The following CNTNAP5 variants were observed in gnomAD, a reference collection of about 807,000 sequenced individuals.
The protein encoded by CNTNAP5 is contactin-associated protein-like 5.
In CNTNAP5, 72 loss-of-function variants were observed where a neutral mutation model predicts 150.2. That is an observed-to-expected ratio of 0.48 (90% CI 0.40 to 0.58). The LOEUF (loss-of-function observed/expected upper bound fraction) is 0.58, where lower values mean the gene tolerates loss of function less well. Ranked by LOEUF, CNTNAP5 falls within the 20% of genes least tolerant of loss-of-function variation. The pLI is 0.00. For missense variants in CNTNAP5, 1,636 were observed against 1,626.2 expected, an observed-to-expected ratio of 1.01 and a Z score of -0.10; for synonymous variants, 672 against 619.8, an observed-to-expected ratio of 1.08 and a Z score of -1.25.
At chr2:124,561,096 CTGTT>C (rs1013183234) in intron 10 of CNTNAP5, among the ~76,000 whole-genome samples, 16 of 151,780 alleles carry the variant, frequency 1.1e-4, no homozygotes, top group Non-Finnish European at 1.6e-4. Context: ...ATGGAAATCT[CTGTT>C]TGTGTTTACG....
chr2:124,806,222 A>T (rs1251398291), intron 19 of CNTNAP5, among the ~76,000 whole-genome samples: 1 of 152,100 alleles, frequency 6.6e-6, no homozygotes, highest in Non-Finnish European at 1.5e-5. Context: ...CTTGGATTTA[A>T]TTAATGTATT....
intron 13 of CNTNAP5, among the ~76,000 whole-genome samples, chr2:124,746,005 G>A (rs918722025): frequency 1.3e-5 from 2 of 152,196 alleles, no homozygotes; most frequent in Non-Finnish European, 2.9e-5. Context: ...ATAAGAATAT[G>A]CATGTAAACT....
At chr2:124,089,406 C>A (rs1175220847) in intron 1 of CNTNAP5, among the ~76,000 whole-genome samples, 1 of 151,868 alleles carries the variant, frequency 6.6e-6, no homozygotes, top group South Asian at 2.1e-4. Context: ...AATGAGGTAC[C>A]CAGGTCACAG....
Position 124,915,460 on chromosome 2 carries a change from C to A in CNTNAP5, c.*1172C>A, listed in dbSNP as rs778302011. On this transcript the variant is annotated 3_prime_UTR_variant, in exon 24 of 24. Transcript: ENST00000682447. The stretch of plus-strand genomic sequence containing the variant: ...GGTGAAGATAGTTAATTCAAATTTG[C>A]AAGTTTCACATTTTTTAACATCAAG... Among the ~76,000 whole-genome samples, 2 of 151,944 alleles carry A rather than the reference C, an allele frequency of 1.3e-5. No individual in the cohort carries two copies. The highest frequency in any genetic ancestry group is 2.9e-5 in the Non-Finnish European group (2 of 67,954).
intron 10 of CNTNAP5, among the ~76,000 whole-genome samples, chr2:124,560,696 C>T (rs1377867704): frequency 6.6e-6 from 1 of 152,046 alleles, no homozygotes; most frequent in African/African-American, 2.4e-5. Flanking sequence ...TACTTCACAG[C>T]ATCTAATATA....
At chr2:124,815,764 G>A (rs1246958276) in intron 19 of CNTNAP5, among the ~76,000 whole-genome samples, 1 of 151,566 alleles carries the variant, frequency 6.6e-6, no homozygotes, top group African/African-American at 2.4e-5. Context: ...CCCAGGAAAT[G>A]GGATTTAGGT....
intron 1 of CNTNAP5, among the ~76,000 whole-genome samples, chr2:124,202,648 GC>G (rs1221454025): frequency 6.6e-6 from 1 of 152,208 alleles, no homozygotes; most frequent in Non-Finnish European, 1.5e-5. Flanking sequence ...TGGCTGGGAA[GC>G]CATCACGATC....
At chr2:124,571,146 G>A (rs1158360294) in intron 11 of CNTNAP5, among the ~76,000 whole-genome samples, 1 of 152,200 alleles carries the variant, frequency 6.6e-6, no homozygotes, top group Non-Finnish European at 1.5e-5. Flanking sequence ...TGTAGAAAGA[G>A]GAGGAGATTT....
At chr2:124,212,124 C>T (rs547547571) in intron 1 of CNTNAP5, among the ~76,000 whole-genome samples, 2 of 152,164 alleles carry the variant, frequency 1.3e-5, no homozygotes, top group Non-Finnish European at 2.9e-5. Context: ...ATATTCAATG[C>T]ATAATCATCT....
intron 1 of CNTNAP5, among the ~76,000 whole-genome samples, chr2:124,115,104 T>C (rs12467198): frequency 0.3 from 45,128 of 151,830 alleles, 7,284 homozygotes; most frequent in Admixed American, 0.38. Context: ...AATCAAGGAT[T>C]CTACATATCT....
chr2:124,519,858 ACT>A (rs1288339135), intron 8 of CNTNAP5, among the ~76,000 whole-genome samples: 7 of 152,104 alleles, frequency 4.6e-5, no homozygotes, highest in Non-Finnish European at 8.8e-5. Context: ...AGCCTATTTA[ACT>A]CTCTCTCTGT....
At chr2:124,307,525 A>G (rs1031100702) in intron 3 of CNTNAP5, among the ~76,000 whole-genome samples, 1 of 152,154 alleles carries the variant, frequency 6.6e-6, no homozygotes, top group Admixed American at 6.5e-5. Flanking sequence ...TTTTGTTACC[A>G]AACTGGAGCA....
At chr2:124,910,013 A>G (rs2104767437) in intron 22 of CNTNAP5, among the ~76,000 whole-genome samples, 1 of 151,522 alleles carries the variant, frequency 6.6e-6, no homozygotes, top group South Asian at 2.1e-4. Context: ...ACCTTCTTTA[A>G]TTACAATACC....
chr2:124,145,938 C>A (rs1042417245), intron 1 of CNTNAP5, among the ~76,000 whole-genome samples: 1 of 151,158 alleles, frequency 6.6e-6, no homozygotes, highest in African/African-American at 2.4e-5. Context: ...TGATACACAG[C>A]TAATGAAAAT....
At chr2:124,635,608 G>T (rs1482959431) in intron 12 of CNTNAP5, among the ~76,000 whole-genome samples, 2 of 152,178 alleles carry the variant, frequency 1.3e-5, no homozygotes, top group Non-Finnish European at 2.9e-5. Context: ...TTCCTGTTTG[G>T]AAGTGGAAAA....
chr2:124,523,460 A>C (rs1694895653), intron 8 of CNTNAP5, among the ~76,000 whole-genome samples: 1 of 152,196 alleles, frequency 6.6e-6, no homozygotes. Context: ...TTAATAGATG[A>C]TAAACTCTTT....
rs189359644 is a variant in CNTNAP5, at chr2:124,039,700, G to T, written c.82+13968G>T. Among the ~76,000 whole-genome samples, 9 of 152,100 alleles carry T rather than the reference G, an allele frequency of 5.9e-5. No homozygotes were observed. The East Asian group carries it at 1.5e-3, about 26-fold the overall frequency. ...ATTCATCACAAAATCCTTTTATTTA[G>T]GTCTACACTGCGCTCTCTCCTCCCC... is the stretch of plus-strand genomic sequence containing the variant. On this transcript the variant is annotated intron_variant, in intron 1 of 23. Transcript: ENST00000682447.
chr2:124,213,548 C>A (rs993451735), intron 1 of CNTNAP5, among the ~76,000 whole-genome samples: 1 of 152,162 alleles, frequency 6.6e-6, no homozygotes, highest in Non-Finnish European at 1.5e-5. Context: ...ATCTGTCCAG[C>A]CTGACCCTTT....
chr2:124,598,617 C>T (rs1396903805), intron 11 of CNTNAP5, among the ~76,000 whole-genome samples: 30 of 150,676 alleles, frequency 2.0e-4, no homozygotes, highest in South Asian at 1.7e-3. Flanking sequence ...GCCCTGCCCC[C>T]AGAGGTGGAG....
Sources: gnomAD v4.1 joint callset for allele counts (sites outside exome capture counted in the v4.1 genomes callset) on GRCh38, gnomAD v4.1.1 for gene constraint, MANE v1.5 for transcripts, NCBI Gene and HGNC (gene_info 2026-07-23, HGNC 2026-07-21) for gene names.